INTS7: variants seen among roughly 807,000 people sequenced by gnomAD.
INTS7 encodes chromosome 1 open reading frame 73.
In INTS7, 46 loss-of-function variants were observed where a neutral mutation model predicts 109.2. The ratio of observed to expected loss-of-function variants is 0.42; its 90% CI spans 0.33 to 0.54. The LOEUF (loss-of-function observed/expected upper bound fraction) is 0.54. Among genes scored for constraint, INTS7 ranks in the 20% least tolerant of loss-of-function variants. The pLI is 0.07. For synonymous variants in INTS7, 412 were observed against 402.9 expected, an observed-to-expected ratio of 1.02 and a Z score of -0.27; for missense variants, 929 against 1,132.4, an observed-to-expected ratio of 0.82 and a Z score of 2.58.
At chr1:212,001,138 C>T (rs1316943463) in intron 7 of INTS7, among the ~76,000 whole-genome samples, 2 of 148,620 alleles carry the variant, frequency 1.3e-5, no homozygotes, top group Non-Finnish European at 3.0e-5. Context: ...GCGATCTAGG[C>T]TCACCGCAAC....
intron 4 of INTS7, among the ~76,000 whole-genome samples, chr1:212,014,412 C>T (rs1372089735): frequency 6.9e-6 from 1 of 144,008 alleles, no homozygotes; most frequent in East Asian, 2.0e-4. Flanking sequence ...TTGCTGTGAC[C>T]CGAGATTGCG....
chr1:211,949,415 G>A (rs1662991213), intron 17 of INTS7, among the ~76,000 whole-genome samples: 1 of 152,118 alleles, frequency 6.6e-6, no homozygotes, highest in African/African-American at 2.4e-5. Flanking sequence ...CTCAGTAAAG[G>A]ATCAATCAGT....
chr1:212,008,927 G>C (rs887503064), intron 5 of INTS7, among the ~76,000 whole-genome samples: 47 of 151,982 alleles, frequency 3.1e-4, no homozygotes, highest in African/African-American at 1.1e-3. Flanking sequence ...CTAAATTATT[G>C]CAAGTCTCCT....
chr1:212,020,035 A>T, intron 3 of INTS7, 87 bp downstream of exon 3: 1 of 966,894 alleles, frequency 1.0e-6, no homozygotes, highest in Non-Finnish European at 1.4e-6. Flanking sequence ...CTAATACTCA[A>T]AATGAAAAAT....
intron 8 of INTS7, among the ~76,000 whole-genome samples, chr1:211,986,485 G>C (rs182659908): frequency 3.1e-4 from 47 of 151,942 alleles, no homozygotes; most frequent in African/African-American, 8.9e-4. Flanking sequence ...AACAAGGTCA[G>C]AAAATAAATA....
chr1:212,032,586 C>G (rs1349897194), intron 1 of INTS7, among the ~76,000 whole-genome samples: 1 of 151,968 alleles, frequency 6.6e-6, no homozygotes, highest in Non-Finnish European at 1.5e-5. Context: ...ACGCCATTCT[C>G]CTGCCTCAGC....
At chr1:211,976,833 T>C (rs1273432287) in intron 11 of INTS7, 114 bp from the exon 12 acceptor site, 2 of 941,294 alleles carry the variant, frequency 2.1e-6, no homozygotes, top group Admixed American at 2.4e-5. Flanking sequence ...AGAACAAAAT[T>C]TGTTTTCCAA....
At chr1:212,032,142 A>C (rs1667193299) in intron 1 of INTS7, among the ~76,000 whole-genome samples, 1 of 152,168 alleles carries the variant, frequency 6.6e-6, no homozygotes, top group Non-Finnish European at 1.5e-5. Flanking sequence ...TTATATCCTC[A>C]TCTAATCCAT....
At chr1:211,974,267 GAAAA>G (rs67430806) in intron 13 of INTS7, among the ~76,000 whole-genome samples, 5,342 of 106,618 alleles carry the variant, frequency 0.05, 174 homozygotes, top group East Asian at 0.1. Flanking sequence ...TCTCTTCCCA[GAAAA>G]AAAAAATATA....
intron 18 of INTS7, among the ~76,000 whole-genome samples, chr1:211,945,501 C>T (rs75162546): frequency 0.029 from 4,381 of 152,300 alleles, 69 homozygotes; most frequent in African/African-American, 0.046. Flanking sequence ...ATCCCAAACA[C>T]ATCAATTAAA....
At chr1:211,978,547 T>C in intron 10 of INTS7, 36 bp from the exon 11 acceptor site, 1 of 1,611,806 alleles carries the variant, frequency 6.2e-7, no homozygotes, top group East Asian at 2.2e-5. Context: ...AGTTACATTT[T>C]GAAGATACAG....
chr1:211,985,739 T>A (rs1184087718), intron 8 of INTS7, among the ~76,000 whole-genome samples: 2 of 152,220 alleles, frequency 1.3e-5, no homozygotes, highest in Admixed American at 6.5e-5. Context: ...CAAACCTTTG[T>A]GAGTCTCAGT....
intron 1 of INTS7, among the ~76,000 whole-genome samples, chr1:212,030,293 G>GTTT (rs34202107): frequency 1.4e-5 from 2 of 142,968 alleles, no homozygotes; most frequent in African/African-American, 5.1e-5. Context: ...ATGATTTTTT[G>GTTT]TTTTTTTTTT....
At chr1:211,973,655 T>TA (rs1664275900) in intron 13 of INTS7, among the ~76,000 whole-genome samples, 5 of 152,060 alleles carry the variant, frequency 3.3e-5, no homozygotes, top group Admixed American at 2.6e-4. Flanking sequence ...AAAATAAAAA[T>TA]AAAAAAAGTC....
rs999070254 is a variant in INTS7, at chr1:211,981,257, T to G, written c.1133-67A>C. 46 of 922,570 alleles carry G rather than the reference T, an allele frequency of 5.0e-5. No individual in the cohort carries two copies. In the Admixed American group the frequency reaches 8.5e-4, roughly 17 times the overall value. The allele number at this position is 922,570 out of a possible 1,614,324, so 57.1% of individuals were successfully genotyped here. A position where few individuals can be genotyped will look rare whatever the true frequency, so the allele number is the denominator to read the frequency against. ...GTGTACAAACACACACACATATACA[T>G]GCATACACACTCTCTTAGAAAAAAC... On this transcript the variant is annotated intron_variant, in intron 9 of 19. Coordinates refer to ENST00000366994, the MANE Select transcript of INTS7 (RefSeq NM_015434.4).
chr1:211,990,747 C>T (rs559558206), intron 7 of INTS7, among the ~76,000 whole-genome samples: 1 of 151,974 alleles, frequency 6.6e-6, no homozygotes, highest in South Asian at 2.1e-4. Flanking sequence ...TTAATTTTGG[C>T]CTAAGAGGAG....
chr1:212,016,866 A>G lies in INTS7; in HGVS notation c.509+20T>C, dbSNP rs1666467004. The G allele has an allele frequency of 6.3e-7, 1 of 1,580,288 alleles. No individual in the cohort carries two copies. On this transcript the variant is annotated intron_variant, in intron 4 of 19. Transcript: ENST00000366994. ...TTGGGAAGCCAAATTACTAAAAGGG[A>G]TGTACTTTTGTAAGCTTACTTTGAC... is the stretch of plus-strand genomic sequence containing the variant.
chr1:211,996,133 G>A (rs1665374460), intron 7 of INTS7, among the ~76,000 whole-genome samples: 1 of 152,128 alleles, frequency 6.6e-6, no homozygotes, highest in African/African-American at 2.4e-5. Flanking sequence ...TAGAAAATAT[G>A]TCTTCTGGCC....
At chr1:211,991,528 T>G (rs951401689) in intron 7 of INTS7, among the ~76,000 whole-genome samples, 3 of 152,262 alleles carry the variant, frequency 2.0e-5, no homozygotes, top group Non-Finnish European at 4.4e-5. Context: ...ATACATCCTT[T>G]TGTAGTTTTG....
Sources: allele counts gnomAD v4.1 joint callset (sites outside exome capture counted in the v4.1 genomes callset), GRCh38; gene constraint gnomAD v4.1.1; transcripts MANE v1.5; gene names NCBI Gene and HGNC (gene_info 2026-07-23, HGNC 2026-07-21).